The following PTBP3 variants were observed in gnomAD, a reference collection of about 807,000 sequenced individuals.
PTBP3 encodes the protein polypyrimidine tract binding protein 3.
PTBP3 carries 20 observed loss-of-function variants against 58.7 expected under a neutral mutation model. The observed-to-expected ratio is 0.34, with a 90% CI of 0.24 to 0.50. PTBP3 has a LOEUF of 0.50. PTBP3 is among the 20% of genes least tolerant of loss of function. The probability of loss-of-function intolerance (pLI) is 0.98; values close to 1 mark genes in which losing one functional copy is unlikely to be tolerated. For synonymous variants in PTBP3, 185 were observed against 219.8 expected, an observed-to-expected ratio of 0.84 and a Z score of 1.40; for missense variants, 509 against 637.2, an observed-to-expected ratio of 0.80 and a Z score of 2.17.
At chr9:112,305,672 G>A (rs1829154796) in intron 1 of PTBP3, among the ~76,000 whole-genome samples, 1 of 152,158 alleles carries the variant, frequency 6.6e-6, no homozygotes, top group South Asian at 2.1e-4. Flanking sequence ...CGGGCACGGT[G>A]GCTCACGCCT....
intron 2 of PTBP3, among the ~76,000 whole-genome samples, chr9:112,288,041 T>C (rs1178063564): frequency 6.6e-6 from 1 of 152,244 alleles, no homozygotes; most frequent in Admixed American, 6.5e-5. Context: ...TCTTTTAAAG[T>C]GTTAGACTTC....
At chr9:112,272,307 C>T (rs1184399429) in intron 3 of PTBP3, among the ~76,000 whole-genome samples, 1 of 152,146 alleles carries the variant, frequency 6.6e-6, no homozygotes, top group Non-Finnish European at 1.5e-5. Context: ...TCAAGTAATC[C>T]TCCTGCCTCA....
chr9:112,222,355 C>T lies in PTBP3; in HGVS notation c.*1496G>A. On this transcript the variant is annotated 3_prime_UTR_variant, in exon 14 of 14. Transcript: ENST00000374257. Reference sequence around the variant, plus strand: ...GGACAGAGTATGAGAAATAACCCACCTTCTCATACTCCAAATACGTGGGTA... The same window carrying T: ...GGACAGAGTATGAGAAATAACCCACTTTCTCATACTCCAAATACGTGGGTA... The T allele has an allele frequency of 1.0e-6, 1 of 984,966 alleles. No homozygotes were observed. The highest frequency in any genetic ancestry group is 4.7e-5 in the South Asian group (1 of 21,270). The allele number at this position is 984,966 out of a possible 1,614,324, so 61.0% of individuals were successfully genotyped here. A position where few individuals can be genotyped will look rare whatever the true frequency, so the allele number is the denominator to read the frequency against.
intron 3 of PTBP3, among the ~76,000 whole-genome samples, chr9:112,274,459 C>T (rs1289040334): frequency 6.6e-6 from 1 of 152,038 alleles, no homozygotes; most frequent in African/African-American, 2.4e-5. Context: ...TTTAGGACAG[C>T]CAAAAACTTG....
chr9:112,303,812 C>A (rs1829051090), intron 1 of PTBP3, among the ~76,000 whole-genome samples: 1 of 150,658 alleles, frequency 6.6e-6, no homozygotes, highest in Non-Finnish European at 1.5e-5. Context: ...TGCAGTGAGC[C>A]AAGATCACAC....
the PTBP3 span, among the ~76,000 whole-genome samples, chr9:112,372,813 G>A: frequency 1.3e-5 from 2 of 151,736 alleles, no homozygotes; most frequent in African/African-American, 2.4e-5. Context: ...CCATTCATTA[G>A]TTGATAGACA....
chr9:112,276,575 A>G (rs1366442463), intron 2 of PTBP3, among the ~76,000 whole-genome samples: 3 of 152,126 alleles, frequency 2.0e-5, no homozygotes, highest in Non-Finnish European at 4.4e-5. Context: ...TCCTTATTAT[A>G]TAACAATAAT....
At chr9:112,313,432 T>C (rs534480259) in intron 1 of PTBP3, among the ~76,000 whole-genome samples, 46 of 152,362 alleles carry the variant, frequency 3.0e-4, no homozygotes, top group Admixed American at 7.8e-4. Context: ...GGCAGCTGTA[T>C]TGTTTATCCA....
At chr9:112,357,725 T>C in the PTBP3 span, among the ~76,000 whole-genome samples, 7 of 152,194 alleles carry the variant, frequency 4.6e-5, no homozygotes, top group Admixed American at 3.9e-4. Flanking sequence ...CGTTGAATTG[T>C]CATTTCTTCT....
the PTBP3 span, among the ~76,000 whole-genome samples, chr9:112,349,788 TG>T: frequency 5.1e-5 from 7 of 137,652 alleles, no homozygotes; most frequent in African/African-American, 2.0e-4. Flanking sequence ...CGCTTGAATC[TG>T]GGAGATGAAG....
intron 1 of PTBP3, among the ~76,000 whole-genome samples, chr9:112,313,322 A>G (rs1475178130): frequency 6.6e-6 from 1 of 152,026 alleles, no homozygotes; most frequent in Non-Finnish European, 1.5e-5. Flanking sequence ...TCCTACCTCA[A>G]CCTACCAAAG....
chr9:112,359,924 CAA>C, the PTBP3 span, among the ~76,000 whole-genome samples: 2 of 151,948 alleles, frequency 1.3e-5, no homozygotes, highest in African/African-American at 4.8e-5. Flanking sequence ...GTAAAGATTT[CAA>C]AGTCTTAGAC....
the PTBP3 span, among the ~76,000 whole-genome samples, chr9:112,379,188 AAAAAACAAAAC>A: frequency 1.3e-4 from 20 of 150,554 alleles, no homozygotes; most frequent in African/African-American, 4.6e-4. Flanking sequence ...ACTCCGTCTC[AAAAAACAAAAC>A]AAAAACAAAG....
At chr9:112,322,784 G>A (rs1441403638) in intron 1 of PTBP3, among the ~76,000 whole-genome samples, 1 of 152,322 alleles carries the variant, frequency 6.6e-6, no homozygotes, top group Non-Finnish European at 1.5e-5. Flanking sequence ...TTTAACCACA[G>A]AACCAACCCA....
At chr9:112,320,291 A>AAAAAAAAAT (rs1411646280) in intron 1 of PTBP3, among the ~76,000 whole-genome samples, 1 of 73,568 alleles carries the variant, frequency 1.4e-5, no homozygotes, top group Non-Finnish European at 2.2e-5. Context: ...AAAAAAAAAA[A>AAAAAAAAAT]ATATATATAT....
At chr9:112,267,969 T>C (rs2132157923) in intron 4 of PTBP3, 80 bp downstream of exon 4, 1 of 1,296,530 alleles carries the variant, frequency 7.7e-7, no homozygotes, top group East Asian at 2.5e-5. Context: ...AAGCACATAA[T>C]TTTTCTTCAT....
chr9:112,320,214 G>T (rs975665895), intron 1 of PTBP3, among the ~76,000 whole-genome samples: 1 of 148,098 alleles, frequency 6.8e-6, no homozygotes, highest in Non-Finnish European at 1.5e-5. Context: ...GGAGTTCAAG[G>T]CTGCAGTGAG....
At chr9:112,322,927 G>C (rs1830013069) in intron 1 of PTBP3, among the ~76,000 whole-genome samples, 1 of 152,206 alleles carries the variant, frequency 6.6e-6, no homozygotes. Context: ...CCAAGAGTCA[G>C]GACCAAGGAA....
chr9:112,321,539 A>AAG (rs1554806040), intron 1 of PTBP3, among the ~76,000 whole-genome samples: 24 of 151,436 alleles, frequency 1.6e-4, no homozygotes, highest in African/African-American at 5.3e-4. Flanking sequence ...AAAAAAAAAA[A>AAG]AAAGAAAGAA....
Sources: allele counts gnomAD v4.1 joint callset (sites outside exome capture counted in the v4.1 genomes callset), GRCh38; gene constraint gnomAD v4.1.1; transcripts MANE v1.5; gene names NCBI Gene and HGNC (gene_info 2026-07-23, HGNC 2026-07-21).